TOPAZ1: variants seen among roughly 807,000 people sequenced by gnomAD.
The protein encoded by TOPAZ1 is protein TOPAZ1.
Under a neutral mutation model 172.2 loss-of-function variants are expected in TOPAZ1, and 66 were observed. The ratio of observed to expected loss-of-function variants is 0.38; its 90% confidence interval spans 0.31 to 0.47. The LOEUF (loss-of-function observed/expected upper bound fraction) is 0.47, where lower values mean the gene tolerates loss of function less well. Ranked by LOEUF, TOPAZ1 falls within the 20% of genes least tolerant of loss-of-function variation. The probability of loss-of-function intolerance (pLI) is 0.99; values close to 1 mark genes in which losing one functional copy is unlikely to be tolerated. For missense variants in TOPAZ1, 1,822 were observed against 1,972.4 expected (o/e 0.92, Z 1.44); for synonymous variants, 681 against 683.9 (o/e 1.00, Z 0.07).
At chr3:44,255,362 T>G (rs1384035852) in intron 3 of TOPAZ1, among the ~76,000 whole-genome samples, 1 of 122,418 alleles carries the variant, frequency 8.2e-6, no homozygotes, top group Non-Finnish European at 1.8e-5. Flanking sequence ...TTAAAAAAAT[T>G]TTATAGTTGG....
At chr3:44,324,768 A>G (rs1442938826) in intron 18 of TOPAZ1, among the ~76,000 whole-genome samples, 1 of 152,164 alleles carries the variant, frequency 6.6e-6, no homozygotes, top group African/African-American at 2.4e-5. Context: ...AGAATATTTT[A>G]TTCATACCAG....
intron 18 of TOPAZ1, among the ~76,000 whole-genome samples, chr3:44,324,258 A>G (rs1700573180): frequency 6.6e-6 from 1 of 152,236 alleles, no homozygotes; most frequent in African/African-American, 2.4e-5. Flanking sequence ...GGTTATAATC[A>G]AAAGAAGTTT....
chr3:44,244,864 C>T lies in TOPAZ1; in HGVS notation c.2358C>T (p.Val786=), dbSNP rs1426238567. ...ACAATAGCAAACCATCTAATCACGT[C>T]TCTGAACCAGGCAATATTGTTTCTA... ...QGNNSKPSNH[V]SEPGNIVSNK... is the part of the protein sequence containing the mutation. Residue 786 remains valine (V), a synonymous_variant, in exon 2 of 20, where the codon GTC becomes GTT. Coordinates refer to ENST00000309765, the MANE Select transcript of TOPAZ1 (RefSeq NM_001145030.2). 3 of 1,551,610 alleles carry T rather than the reference C, an allele frequency of 1.9e-6. No individual in the cohort carries two copies. Among genetic ancestry groups the T allele is most frequent in the African/African-American group, 2.7e-5 (2 of 73,052 alleles).
intron 4 of TOPAZ1, among the ~76,000 whole-genome samples, 156 bp downstream of exon 4, chr3:44,256,434 T>C (rs1177254828): frequency 2.6e-5 from 4 of 152,202 alleles, no homozygotes; most frequent in African/African-American, 7.2e-5. Context: ...CCTTGATACT[T>C]GGTGTAAGCA....
At position 44,305,160 on chromosome 3, in the gene TOPAZ1, A is replaced by C. The variant is rs749472460; in HGVS notation, c.3878A>C (p.Lys1293Thr). ...TAATTTTGATAGCATTGTAAAGAAA[A>C]AGGTGACTGGACCAAATTGGGAAAA... ...ALNKLEHCKEKGDWTKLGKLY... is the reference protein window; with the variant it reads ...ALNKLEHCKETGDWTKLGKLY... The change falls in exon 14 of 20, where the codon AAA becomes ACA. Residue 1293 changes from lysine (K) to threonine (T), a missense_variant. By Grantham distance (78) the Lys-to-Thr change is moderately conservative (BLOSUM62 -1). Coordinates refer to ENST00000309765, the MANE Select transcript of TOPAZ1 (RefSeq NM_001145030.2). 44 of 1,517,460 alleles carry C rather than the reference A, an allele frequency of 2.9e-5. No individual in the cohort carries two copies. Among genetic ancestry groups the C allele is most frequent in the South Asian group, 1.3e-4 (10 of 77,702 alleles). The allele number at this position is 1,517,460 out of a possible 1,614,324, so 94.0% of individuals were successfully genotyped here.
chr3:44,300,032 G>A (rs1306780561), intron 12 of TOPAZ1, among the ~76,000 whole-genome samples: 1 of 150,818 alleles, frequency 6.6e-6, no homozygotes, highest in South Asian at 2.1e-4. Context: ...CAGCACACCA[G>A]CATGGCACAT....
chr3:44,280,678 A>G (rs1212860084), intron 8 of TOPAZ1, among the ~76,000 whole-genome samples: 2 of 152,200 alleles, frequency 1.3e-5, no homozygotes, highest in African/African-American at 4.8e-5. Flanking sequence ...AGCAGCCCAC[A>G]GCAGTGATGG....
Position 44,256,171 on chromosome 3 carries a change from C to A in TOPAZ1, c.2848C>A (p.Pro950Thr). The A allele has an allele frequency of 6.6e-7, 1 of 1,510,504 alleles. No individual in the cohort carries two copies. 93.6% of individuals were successfully genotyped at this position (1,510,504 alleles called of 1,614,324 possible). ...NSAESEIKRDPKDVNTSLGEV... is the reference protein window; with the variant it reads ...NSAESEIKRDTKDVNTSLGEV... ...TTCAGAAAGTGAAATAAAACGTGAT[C>A]CCAAAGATGTAAACACTTCCTTAGG... is the stretch of plus-strand genomic sequence containing the variant. The change falls in exon 4 of 20, where the codon CCC becomes ACC. Residue 950 changes from proline (P) to threonine (T), a missense_variant. Coordinates refer to ENST00000309765, the MANE Select transcript of TOPAZ1 (RefSeq NM_001145030.2).
In TOPAZ1 at chr3:44,304,936, A is replaced by G. The variant is rs1333718218; in HGVS notation, c.3865-211A>G. ...AAATGTGCATTGTTATTTGGAATTT[A>G]TAGAGGCTTTACTATAGCCAGAAAA... On this transcript the variant is annotated intron_variant, in intron 13 of 19. Coordinates refer to ENST00000309765, the MANE Select transcript of TOPAZ1 (RefSeq NM_001145030.2). 2.0e-5 allele frequency among the ~76,000 whole-genome samples: 3 copies of G among 152,358 alleles called. No individual in the cohort carries two copies. The East Asian group carries it at 5.8e-4, about 29-fold the overall frequency.
At chr3:44,273,289 A>T (rs997322092) in intron 8 of TOPAZ1, among the ~76,000 whole-genome samples, 9 of 152,176 alleles carry the variant, frequency 5.9e-5, no homozygotes, top group African/African-American at 2.2e-4. Flanking sequence ...GCAGGGACAC[A>T]CTGAAGCCTT....
At chr3:44,327,306 A>C (rs1240967982) in intron 18 of TOPAZ1, among the ~76,000 whole-genome samples, 1 of 152,238 alleles carries the variant, frequency 6.6e-6, no homozygotes. Context: ...ATTCTAAGCA[A>C]AATTTACATA....
In TOPAZ1 at chr3:44,267,129, G is replaced by C; in HGVS notation, c.3153G>C (p.Trp1051Cys). ...AAGAAGACACAATACTGAATACCTGGATGAATGGTACTATTTGTTTTCTTA... is the reference window on the plus strand; with the variant it reads ...AAGAAGACACAATACTGAATACCTGCATGAATGGTACTATTTGTTTTCTTA... ...GRQEDTILNTWMNDFRFLGKH... is the reference protein window; with the variant it reads ...GRQEDTILNTCMNDFRFLGKH... The change falls in exon 6 of 20, where the codon TGG becomes TGC. Residue 1051 changes from tryptophan to cysteine, a missense_variant. This residue lies in a region of TOPAZ1 where 1,489 missense variants were observed against 1,490.8 expected (regional missense o/e 1.00). Coordinates refer to ENST00000309765, the MANE Select transcript of TOPAZ1 (RefSeq NM_001145030.2). 1 of 1,529,368 alleles carries C rather than the reference G, an allele frequency of 6.5e-7. No individual in the cohort carries two copies. Among genetic ancestry groups the C allele is most frequent in the Non-Finnish European group, 8.8e-7 (1 of 1,138,906 alleles). The allele number at this position is 1,529,368 out of a possible 1,614,324, so 94.7% of individuals were successfully genotyped here.
chr3:44,294,239 CA>C (rs530235553), intron 12 of TOPAZ1, among the ~76,000 whole-genome samples: 43 of 145,928 alleles, frequency 2.9e-4, no homozygotes, highest in African/African-American at 6.2e-4. Context: ...GACTCTGTCT[CA>C]AAAAAAAAAA....
chr3:44,270,678 T>G lies in TOPAZ1; in HGVS notation c.3247-7T>G. On this transcript the variant is annotated splice_polypyrimidine_tract_variant and splice_region_variant and intron_variant, in intron 7 of 19. Transcript: ENST00000309765. ...AATACAGAAAGTGAATCTTTCTAAT[T>G]TTCTAGGTGTTCCAGAAGTCCCTAG... The G allele has an allele frequency of 6.5e-7, 1 of 1,535,110 alleles. No individual in the cohort carries two copies. Among genetic ancestry groups the G allele is most frequent in the Non-Finnish European group, 8.8e-7 (1 of 1,140,334 alleles).
intron 12 of TOPAZ1, 96 bp downstream of exon 12, chr3:44,290,982 C>A: frequency 1.4e-6 from 1 of 737,364 alleles, no homozygotes. Context: ...TTTGTATGCC[C>A]AAACATTTAG....
At chr3:44,331,180 A>G (rs1700663675) in intron 19 of TOPAZ1, among the ~76,000 whole-genome samples, 1 of 152,238 alleles carries the variant, frequency 6.6e-6, no homozygotes, top group South Asian at 2.1e-4. Context: ...AGTATTTTTC[A>G]AACTGGGTTG....
chr3:44,309,531 AAGG>A (rs1381192070), intron 15 of TOPAZ1, among the ~76,000 whole-genome samples: 1 of 152,252 alleles, frequency 6.6e-6, no homozygotes, highest in African/African-American at 2.4e-5. Flanking sequence ...ATGAAATCTT[AAGG>A]AGAAGTACAG....
At chr3:44,290,664 C>T (rs961389789) in intron 11 of TOPAZ1, 107 bp from the exon 12 acceptor site, 2 of 646,864 alleles carry the variant, frequency 3.1e-6, no homozygotes, top group Non-Finnish European at 5.4e-6. Context: ...CCACTTGTCT[C>T]CATGTTTCAC....
chr3:44,315,201 GT>G (rs1700438442), intron 16 of TOPAZ1, among the ~76,000 whole-genome samples: 3 of 4,356 alleles, frequency 6.9e-4, no homozygotes, highest in Non-Finnish European at 1.3e-3. Context: ...TTGAAAGAAC[GT>G]GTGTGTGTGT....
Sources: gnomAD v4.1 joint callset for allele counts (sites outside exome capture counted in the v4.1 genomes callset) on GRCh38, gnomAD v4.1.1 for gene constraint, gnomAD v4.1.1 regional missense constraint, MANE v1.5 for transcripts, NCBI Gene and HGNC (gene_info 2026-07-23, HGNC 2026-07-21) for gene names.